TEX29: variants seen among roughly 807,000 people sequenced by gnomAD.
The protein encoded by TEX29 is testis expressed 29, also known as testis-expressed protein 29.
Under a neutral mutation model 18.2 loss-of-function variants are expected in TEX29, and 26 were observed. The ratio of observed to expected loss-of-function variants is 1.43; its 90% CI spans 1.04 to 1.98. The LOEUF is 1.98. Ranked by LOEUF, TEX29 falls within the 30% of genes most tolerant of loss-of-function variation. The pLI is 0.00. For missense variants in TEX29, 177 were observed against 194.2 expected, an observed-to-expected ratio of 0.91 and a Z score of 0.53; for synonymous variants, 83 against 78.5, an observed-to-expected ratio of 1.06 and a Z score of -0.31.
Position 111,338,420 on chromosome 13 carries a change from G to A in TEX29, c.170-1443G>A, listed in dbSNP as rs991371453. On this transcript the variant is annotated intron_variant, in intron 3 of 5. Transcript: ENST00000283547. ...TCCCGGGAGCCTTTGAAAAGAACAC[G>A]GCCCTGCTGACAGTTTGTTCTTGGA... Among the ~76,000 whole-genome samples, 10 of 152,094 alleles carry A rather than the reference G, an allele frequency of 6.6e-5. 1 individual carries two copies. Among genetic ancestry groups the A allele is most frequent in the South Asian group, 2.1e-4 (1 of 4,820 alleles).
chr13:111,318,675 C>T (rs1041622571), upstream of TEX29, among the ~76,000 whole-genome samples: 2 of 152,220 alleles, frequency 1.3e-5, no homozygotes, highest in Non-Finnish European at 2.9e-5. Flanking sequence ...CCGACTGCTG[C>T]CCAGGTTGGT....
intron 2 of TEX29, 58 bp downstream of exon 2, chr13:111,321,006 A>AGAAGTGGGGGGGGGGGCG: frequency 1.1e-6 from 1 of 880,962 alleles, no homozygotes; most frequent in Non-Finnish European, 1.7e-6. Context: ...GGGGGGGGGC[A>AGAAGTGGGGGGGGGGGCG]CAGGGAGGAG....
chr13:111,316,573 G>A (rs536202878), upstream of TEX29, among the ~76,000 whole-genome samples: 2 of 152,362 alleles, frequency 1.3e-5, no homozygotes, highest in Admixed American at 1.3e-4. Context: ...GCCAGGGAGT[G>A]TAACGCTGGG....
intron 3 of TEX29, among the ~76,000 whole-genome samples, chr13:111,333,493 T>C (rs2093685404): frequency 6.6e-6 from 1 of 152,264 alleles, no homozygotes; most frequent in South Asian, 2.1e-4. Flanking sequence ...TCAAATCTGC[T>C]GTTGAGCATC....
intron 3 of TEX29, 69 bp from the exon 4 acceptor site, chr13:111,339,794 C>T: frequency 6.5e-7 from 1 of 1,549,276 alleles, no homozygotes; most frequent in Non-Finnish European, 8.9e-7. Flanking sequence ...GGGAGGGTTG[C>T]CTTTTCTTCA....
chr13:111,335,750 G>A (rs935390292), intron 3 of TEX29, among the ~76,000 whole-genome samples: 3 of 152,172 alleles, frequency 2.0e-5, no homozygotes, highest in African/African-American at 7.2e-5. Flanking sequence ...TCCATATAAT[G>A]ATTAGTGATC....
At chr13:111,326,086 C>T (rs1194070809) in intron 2 of TEX29, among the ~76,000 whole-genome samples, 2 of 152,188 alleles carry the variant, frequency 1.3e-5, no homozygotes, top group East Asian at 3.9e-4. Flanking sequence ...GATCCCGGCT[C>T]CGCTGCGTCC....
chr13:111,343,039 C>A, intron 5 of TEX29, 108 bp downstream of exon 5: 1 of 1,316,584 alleles, frequency 7.6e-7, no homozygotes, highest in Non-Finnish European at 1.0e-6. Flanking sequence ...GCCCTTCAAC[C>A]TCAGTGATCA....
In TEX29 at chr13:111,328,255, G is replaced by T; in HGVS notation, c.131G>T (p.Cys44Phe). 2 of 1,614,014 alleles carry T rather than the reference G, an allele frequency of 1.2e-6. No homozygotes were observed. The highest frequency in any genetic ancestry group is 1.7e-6 in the Non-Finnish European group (2 of 1,180,014). Residue 44 changes from cysteine to phenylalanine, a missense_variant, in exon 3 of 6, where the codon TGC (cysteine) becomes TTC (phenylalanine). Transcript: ENST00000283547. ...GACCGATGCCAGGAGCTCGGGTGCT[G>T]CTTCTACGAAGGCGTCTGCTACAAG... is the stretch of plus-strand genomic sequence containing the variant. ...SRDRCQELGC[C>F]FYEGVCYKKA...
In TEX29 at chr13:111,339,991, C is replaced by T. The variant is rs977788607; in HGVS notation, c.239+59C>T. The stretch of plus-strand genomic sequence containing the variant: ...GAGGAGGGGACTCACCTCTCCTGGC[C>T]GCAGCTTCCTGCCTGCCTGGGCTCC... On this transcript the variant is annotated intron_variant, in intron 4 of 5. Coordinates refer to ENST00000283547, the MANE Select transcript of TEX29 (RefSeq NM_152324.3). 2.9e-5 allele frequency: 44 copies of T among 1,524,474 alleles called. 2 individuals carry two copies. Among genetic ancestry groups the T allele is most frequent in the South Asian group, 6.7e-5 (6 of 89,506 alleles). 94.4% of individuals were successfully genotyped at this position (1,524,474 alleles called of 1,614,324 possible).
intron 5 of TEX29, 103 bp from the exon 6 acceptor site, chr13:111,343,980 C>A: frequency 1.1e-6 from 1 of 948,038 alleles, no homozygotes; most frequent in Non-Finnish European, 1.7e-6. Flanking sequence ...CAATCATTGC[C>A]AATCAGACAC....
chr13:111,325,321 C>T (rs557132952), intron 2 of TEX29, among the ~76,000 whole-genome samples: 9 of 152,338 alleles, frequency 5.9e-5, no homozygotes, highest in East Asian at 1.9e-4. Context: ...GTGAGCCCTG[C>T]GCTCCAGCCG....
intron 3 of TEX29, among the ~76,000 whole-genome samples, chr13:111,331,036 A>G (rs996692326): frequency 2.0e-5 from 3 of 152,222 alleles, no homozygotes; most frequent in Admixed American, 6.5e-5. Flanking sequence ...TTGTGCAAAC[A>G]TGTTTTTTAT....
At chr13:111,332,209 C>A (rs2093683755) in intron 3 of TEX29, among the ~76,000 whole-genome samples, 1 of 152,006 alleles carries the variant, frequency 6.6e-6, no homozygotes, top group South Asian at 2.1e-4. Flanking sequence ...TTATTTCGGT[C>A]TTTAATTTTT....
chr13:111,321,469 T>G (rs9522182), intron 2 of TEX29, among the ~76,000 whole-genome samples: 8,371 of 152,140 alleles, frequency 0.055, 331 homozygotes, highest in Middle Eastern at 0.14. Context: ...GACAGTGACT[T>G]ATGGTCAGGA....
Position 111,344,139 on chromosome 13 carries a change from A to G in TEX29, c.*16A>G. ...TGAGGACTGACTGAGACGCATGAAGAAGTGGAGATTGTCAGAATTATCCAA... is the reference window on the plus strand; with the variant it reads ...TGAGGACTGACTGAGACGCATGAAGGAGTGGAGATTGTCAGAATTATCCAA... On this transcript the variant is annotated 3_prime_UTR_variant, in exon 6 of 6. Coordinates refer to ENST00000283547, the MANE Select transcript of TEX29 (RefSeq NM_152324.3). The G allele has an allele frequency of 1.2e-6, 2 of 1,610,292 alleles. No homozygotes were observed. Among genetic ancestry groups the G allele is most frequent in the Non-Finnish European group, 1.7e-6 (2 of 1,176,676 alleles).
Position 111,344,169 on chromosome 13 carries a change from A to T in TEX29, c.*46A>T, listed in dbSNP as rs1394922831. The stretch of plus-strand genomic sequence containing the variant: ...GAGATTGTCAGAATTATCCAAATGA[A>T]ATGGTACAGCAGGTGCACTGTTAAC... On this transcript the variant is annotated 3_prime_UTR_variant, in exon 6 of 6. Transcript: ENST00000283547. The T allele has an allele frequency of 6.5e-7, 1 of 1,532,250 alleles. No homozygotes were observed. The allele number at this position is 1,532,250 out of a possible 1,614,324, so 94.9% of individuals were successfully genotyped here.
At position 111,344,150 on chromosome 13, in the gene TEX29, G is replaced by T; in HGVS notation, c.*27G>T. On this transcript the variant is annotated 3_prime_UTR_variant, in exon 6 of 6. Coordinates refer to ENST00000283547, the MANE Select transcript of TEX29 (RefSeq NM_152324.3). ...TGAGACGCATGAAGAAGTGGAGATT[G>T]TCAGAATTATCCAAATGAAATGGTA... 6.2e-7 allele frequency: 1 copy of T among 1,604,378 alleles called. No individual in the cohort carries two copies. The highest frequency in any genetic ancestry group is 1.3e-5 in the African/African-American group (1 of 74,836).
intron 4 of TEX29, 93 bp from the exon 5 acceptor site, chr13:111,342,663 T>C: frequency 7.8e-7 from 1 of 1,275,034 alleles, no homozygotes; most frequent in South Asian, 1.5e-5. Context: ...GAACCTGTGT[T>C]TTCAGAGGGA....
Sources: allele counts gnomAD v4.1 joint callset (sites outside exome capture counted in the v4.1 genomes callset), GRCh38; gene constraint gnomAD v4.1.1; transcripts MANE v1.5; gene names NCBI Gene and HGNC (gene_info 2026-07-23, HGNC 2026-07-21).